Variants in SPOCK3 observed in about 807,000 individuals in gnomAD.
SPOCK3 encodes the protein SPARC (osteonectin), cwcv and kazal like domains proteoglycan 3, also known as testican-3.
Under a neutral mutation model 56.6 loss-of-function variants are expected in SPOCK3, and 30 were observed. The ratio of observed to expected loss-of-function variants is 0.53; its 90% CI spans 0.40 to 0.72. The LOEUF (loss-of-function observed/expected upper bound fraction) is 0.72, where lower values mean the gene tolerates loss of function less well. Among genes scored for constraint, SPOCK3 ranks in the 30% least tolerant of loss-of-function variants. The pLI is 0.00. For synonymous variants in SPOCK3, 196 were observed against 183.3 expected (o/e 1.07, Z -0.56); for missense variants, 527 against 530.0 (o/e 0.99, Z 0.06).
At chr4:167,105,791 T>C (rs1760076543) in intron 2 of SPOCK3, among the ~76,000 whole-genome samples, 1 of 151,640 alleles carries the variant, frequency 6.6e-6, no homozygotes, top group Admixed American at 6.6e-5. Context: ...GATAAAGGGG[T>C]GAAAAAAGAT....
At chr4:167,013,348 T>C (rs1237382690) in intron 3 of SPOCK3, among the ~76,000 whole-genome samples, 1 of 151,746 alleles carries the variant, frequency 6.6e-6, no homozygotes, top group Non-Finnish European at 1.5e-5. Context: ...GATTTTAAAA[T>C]ACCATTCTCT....
At chr4:167,194,510 C>T (rs1338770199) in intron 2 of SPOCK3, among the ~76,000 whole-genome samples, 1 of 152,108 alleles carries the variant, frequency 6.6e-6, no homozygotes, top group Non-Finnish European at 1.5e-5. Context: ...CCTTGTGATC[C>T]ACGTAGCCTT....
chr4:167,091,986 C>T (rs768023415), intron 2 of SPOCK3, among the ~76,000 whole-genome samples: 3 of 152,114 alleles, frequency 2.0e-5, no homozygotes, highest in African/African-American at 4.8e-5. Context: ...CCTCCTTCCA[C>T]CAGGGGTTGG....
intron 4 of SPOCK3, among the ~76,000 whole-genome samples, chr4:166,992,346 T>C (rs1400014565): frequency 1.3e-5 from 2 of 152,198 alleles, no homozygotes; most frequent in Non-Finnish European, 2.9e-5. Context: ...AAAATTGCTA[T>C]CACTGACATC....
At chr4:166,954,592 T>C (rs889352846) in intron 4 of SPOCK3, among the ~76,000 whole-genome samples, 1 of 152,180 alleles carries the variant, frequency 6.6e-6, no homozygotes, top group South Asian at 2.1e-4. Flanking sequence ...CTTGGCACCA[T>C]TGTCAAAAAT....
chr4:166,964,648 C>A (rs189873205), intron 4 of SPOCK3, among the ~76,000 whole-genome samples: 52 of 151,314 alleles, frequency 3.4e-4, no homozygotes, highest in Non-Finnish European at 3.8e-4. Context: ...AATAATATTT[C>A]TATGAGGAGA....
chr4:166,847,882 A>G (rs1748268498), intron 6 of SPOCK3, among the ~76,000 whole-genome samples: 1 of 151,936 alleles, frequency 6.6e-6, no homozygotes, highest in Non-Finnish European at 1.5e-5. Context: ...GCACGTAATA[A>G]TTCAAAGACT....
intron 9 of SPOCK3, among the ~76,000 whole-genome samples, chr4:166,738,934 G>C (rs930880490): frequency 6.6e-6 from 1 of 151,950 alleles, no homozygotes; most frequent in Non-Finnish European, 1.5e-5. Context: ...AAATATACGT[G>C]TGCATGTGTC....
intron 4 of SPOCK3, among the ~76,000 whole-genome samples, chr4:166,936,159 T>C (rs1473105258): frequency 1.3e-5 from 2 of 152,182 alleles, no homozygotes; most frequent in African/African-American, 4.8e-5. Flanking sequence ...AACTGGCTTA[T>C]TTTCTTAGAA....
chr4:166,945,467 T>A (rs908343397), intron 4 of SPOCK3, among the ~76,000 whole-genome samples: 4 of 152,340 alleles, frequency 2.6e-5, no homozygotes, highest in African/African-American at 7.2e-5. Context: ...TTTTCTTTCA[T>A]ATGTTATCTG....
intron 6 of SPOCK3, among the ~76,000 whole-genome samples, chr4:166,810,728 A>G (rs1385256104): frequency 6.6e-6 from 1 of 151,956 alleles, no homozygotes; most frequent in Non-Finnish European, 1.5e-5. Context: ...TAGGGTTTTT[A>G]TAACTATGGT....
chr4:166,819,463 T>C (rs879323666), intron 6 of SPOCK3, among the ~76,000 whole-genome samples: 7 of 152,016 alleles, frequency 4.6e-5, no homozygotes, highest in Non-Finnish European at 7.4e-5. Context: ...ATGATCTGTA[T>C]AGAAAGTCCT....
At chr4:167,201,318 T>C (rs527408735) in intron 2 of SPOCK3, among the ~76,000 whole-genome samples, 1 of 152,108 alleles carries the variant, frequency 6.6e-6, no homozygotes, top group East Asian at 1.9e-4. Flanking sequence ...ATGATGATGA[T>C]TGATGATAAT....
intron 3 of SPOCK3, among the ~76,000 whole-genome samples, chr4:167,043,028 C>T (rs1013802797): frequency 6.6e-6 from 1 of 152,040 alleles, no homozygotes; most frequent in Non-Finnish European, 1.5e-5. Context: ...TTTTCTGTCT[C>T]TACAGTTTTC....
At chr4:167,073,961 G>A (rs1756938047) in intron 2 of SPOCK3, among the ~76,000 whole-genome samples, 1 of 151,354 alleles carries the variant, frequency 6.6e-6, no homozygotes, top group Non-Finnish European at 1.5e-5. Context: ...TTAGTATAAT[G>A]TGTATATCTT....
intron 8 of SPOCK3, among the ~76,000 whole-genome samples, chr4:166,746,450 G>C (rs13125751): frequency 2.0e-5 from 3 of 151,992 alleles, no homozygotes; most frequent in Non-Finnish European, 4.4e-5. Flanking sequence ...AACAAAGACA[G>C]AACATACCAG....
intron 2 of SPOCK3, among the ~76,000 whole-genome samples, chr4:167,075,773 C>T (rs1757126624): frequency 6.6e-6 from 1 of 151,880 alleles, no homozygotes; most frequent in South Asian, 2.1e-4. Context: ...TTGAAAGTAG[C>T]TAGGACTACA....
At chr4:167,095,639 C>T (rs1383452569) in intron 2 of SPOCK3, among the ~76,000 whole-genome samples, 2 of 151,904 alleles carry the variant, frequency 1.3e-5, no homozygotes, top group Non-Finnish European at 2.9e-5. Flanking sequence ...CACCCATGGA[C>T]ATCAAAAGGA....
chr4:167,034,602 C>T (rs765749), intron 3 of SPOCK3, among the ~76,000 whole-genome samples: 54,923 of 151,850 alleles, frequency 0.36, 12,305 homozygotes, highest in African/African-American at 0.64. Context: ...TGATTAAAAC[C>T]ATAGCTCGTA....
Sources: gnomAD v4.1 joint callset for allele counts (sites outside exome capture counted in the v4.1 genomes callset) on GRCh38, gnomAD v4.1.1 for gene constraint, MANE v1.5 for transcripts, NCBI Gene and HGNC (gene_info 2026-07-23, HGNC 2026-07-21) for gene names.